The following DHRS7 variants were observed in gnomAD, a reference collection of about 807,000 sequenced individuals.
The protein encoded by DHRS7 is dehydrogenase/reductase SDR family member 7.
A neutral mutation model predicts 38.9 loss-of-function variants in DHRS7; 34 were observed. The ratio of observed to expected loss-of-function variants is 0.87; its 90% CI spans 0.66 to 1.16. DHRS7 has a LOEUF of 1.16. Ranked by LOEUF, DHRS7 falls within the 50% of genes most tolerant of loss-of-function variation. The pLI, the probability that DHRS7 is intolerant of heterozygous loss-of-function variation, is 0.00. For missense variants in DHRS7, 421 were observed against 407.0 expected (o/e 1.03, Z -0.30); for synonymous variants, 158 against 153.1 (o/e 1.03, Z -0.24).
Position 60,165,369 on chromosome 14 carries a change from T to C in DHRS7, c.-60A>G, listed in dbSNP as rs917100899. The C allele has an allele frequency of 6.5e-7, 1 of 1,528,676 alleles. No homozygotes were observed. Among genetic ancestry groups the C allele is most frequent in the Non-Finnish European group, 8.8e-7 (1 of 1,141,626 alleles). 94.7% of individuals were successfully genotyped at this position (1,528,676 alleles called of 1,614,324 possible). A position where few individuals can be genotyped will look rare whatever the true frequency, so the allele number is the denominator to read the frequency against. ...ACGGCCCGCACCAGAGTCGCGTCGC[T>C]GCCCTGCGGGATCGCAGCGCCACCC... On this transcript the variant is annotated 5_prime_UTR_variant, in exon 1 of 7. Coordinates refer to ENST00000557185, the MANE Select transcript of DHRS7 (RefSeq NM_016029.4). The surrounding 1 kb of genome is among the most constrained non-coding windows in gnomAD (Gnocchi z 4.6).
At chr14:60,168,884 T>C, upstream of DHRS7, 1 of 1,127,828 alleles carries the variant, frequency 8.9e-7, no homozygotes. Flanking sequence ...ATTAGAACAC[T>C]TAGGCATTGA....
In DHRS7 at chr14:60,161,364, C is replaced by G. The variant is rs1299516874; in HGVS notation, c.133+3813G>C. On this transcript the variant is annotated intron_variant, in intron 1 of 6. Transcript: ENST00000557185. The surrounding 1 kb of genome is among the most constrained non-coding windows in gnomAD (Gnocchi z 4.2). ...AAACATTTTGCATCCCTTTTGTGAC[C>G]TAGACAGACATTTAAATTGTGTTGC... Among the ~76,000 whole-genome samples, 3 of 152,252 alleles carry G rather than the reference C, an allele frequency of 2.0e-5. No individual in the cohort carries two copies. The East Asian group carries it at 5.8e-4, about 29-fold the overall frequency.
chr14:60,154,199 T>G, intron 2 of DHRS7, 134 bp from the exon 3 acceptor site: 1 of 661,436 alleles, frequency 1.5e-6, no homozygotes, highest in Admixed American at 2.6e-5. Context: ...AAAGTTCCTC[T>G]CGGTGGTCAG....
intron 2 of DHRS7, 66 bp from the exon 3 acceptor site, chr14:60,154,131 A>G: frequency 8.3e-7 from 1 of 1,205,860 alleles, no homozygotes; most frequent in South Asian, 1.3e-5. Context: ...TGCTACTCCC[A>G]CTAACACCCA....
rs1566535992 is a variant in DHRS7, at chr14:60,161,077, T to C, written c.133+4100A>G. On this transcript the variant is annotated intron_variant, in intron 1 of 6. Coordinates refer to ENST00000557185, the MANE Select transcript of DHRS7 (RefSeq NM_016029.4). This position sits in a 1 kb window ranked among gnomAD's most constrained non-coding sequence, Gnocchi z 4.2. ...ATAATCTTGCTCAGTTTTATCCTGC[T>C]TGTTCTCCCAGAATTTTTTGTAAAC... 6.6e-6 allele frequency among the ~76,000 whole-genome samples: 1 copy of C among 152,362 alleles called. No individual in the cohort carries two copies. Among genetic ancestry groups the C allele is most frequent in the South Asian group, 2.1e-4 (1 of 4,832 alleles).
At chr14:60,160,676 C>G (rs371870112) in intron 1 of DHRS7, among the ~76,000 whole-genome samples, 253 of 152,242 alleles carry the variant, frequency 1.7e-3, no homozygotes, top group Middle Eastern at 3.4e-3. Flanking sequence ...CTCCACGGCT[C>G]AGGCTCAAGC....
At position 60,156,134 on chromosome 14, in the gene DHRS7, A is replaced by C; in HGVS notation, c.152T>G (p.Met51Arg). ...GRRPEWELTD[M>R]VVWVTGASSG... ...CGAGGCTCCAGTCACCCACACCACC[A>C]TATCAGTCAGCTCCCATTCTATGGA... Residue 51 changes from methionine (M) to arginine (R), a missense_variant, in exon 2 of 7, where the codon ATG (methionine) becomes AGG (arginine). Transcript: ENST00000557185. The C allele has an allele frequency of 1.3e-6, 2 of 1,594,674 alleles. No homozygotes were observed. Among genetic ancestry groups the C allele is most frequent in the Non-Finnish European group, 8.5e-7 (1 of 1,170,562 alleles).
chr14:60,163,023 A>AT (rs968293042), intron 1 of DHRS7, among the ~76,000 whole-genome samples: 2 of 151,950 alleles, frequency 1.3e-5, no homozygotes, highest in Non-Finnish European at 2.9e-5. Context: ...TACAAAACTT[A>AT]CCCATGCGTG....
rs748533483 is a variant in DHRS7, at chr14:60,153,076, T to C, written c.496A>G (p.Thr166Ala). 28 of 1,614,080 alleles carry C rather than the reference T, an allele frequency of 1.7e-5. No individual in the cohort carries two copies. Among genetic ancestry groups the C allele is most frequent in the Admixed American group, 6.7e-5 (4 of 60,004 alleles). ...RKLIELNYLG[T>A]VSLTKCVLPH... The stretch of plus-strand genomic sequence containing the variant: ...AGAACACATTTTGTCAAGGACACCG[T>C]CCCTAAGTAGTTAAGCTCTATTAGC... Residue 166 changes from threonine (T) to alanine (A), a missense_variant, in exon 4 of 7, where the codon ACG becomes GCG. Thr to Ala is a moderately conservative substitution (Grantham distance 58). Transcript: ENST00000557185. The surrounding 1 kb of genome is among the most constrained non-coding windows in gnomAD (Gnocchi z 4.4).
chr14:60,165,305 T>C lies in DHRS7; in HGVS notation c.5A>G (p.Asn2Ser). ...CAGCAGCCACAGCAGCAGCTCCCAG[T>C]TCATTGCGGCCGCGCACGCCCAGCT... M[N>S]WELLLWLLVL... The change falls in exon 1 of 7, where the codon AAC (asparagine) becomes AGC (serine). Residue 2 changes from asparagine (N) to serine (S), a missense_variant. Asn to Ser is a conservative substitution (Grantham distance 46). Transcript: ENST00000557185. This position sits in a 1 kb window ranked among gnomAD's most constrained non-coding sequence, Gnocchi z 4.6. 1 of 1,585,942 alleles carries C rather than the reference T, an allele frequency of 6.3e-7. No individual in the cohort carries two copies. The highest frequency in any genetic ancestry group is 8.6e-7 in the Non-Finnish European group (1 of 1,169,380).
chr14:60,149,016 G>A (rs747274111), intron 6 of DHRS7: 7 of 245,062 alleles, frequency 2.9e-5, no homozygotes, highest in African/African-American at 4.6e-5. Context: ...TCTATCACCC[G>A]GGCTGGAGTG....
intron 6 of DHRS7, chr14:60,147,303 C>A (rs1341788820): frequency 1.3e-5 from 2 of 152,094 alleles, no homozygotes; most frequent in African/African-American, 4.8e-5. Flanking sequence ...TTTACAGATT[C>A]TAAGGATCTA....
chr14:60,147,357 T>C (rs2140586097), intron 6 of DHRS7: 1 of 152,332 alleles, frequency 6.6e-6, no homozygotes, highest in East Asian at 1.9e-4. Context: ...GTATAGCATA[T>C]TTGAAATTTG....
rs1307585246 is a variant in DHRS7 at position 60,146,338 on chromosome 14, A to G, written c.973-1325T>C. 6.6e-6 allele frequency: 1 copy of G among 152,164 alleles called. No individual in the cohort carries two copies. Among genetic ancestry groups the G allele is most frequent in the Non-Finnish European group, 1.5e-5 (1 of 68,012 alleles). The allele number at this position is 152,164 out of a possible 1,614,324, so 9.4% of individuals were successfully genotyped here. A position where few individuals can be genotyped will look rare whatever the true frequency, so the allele number is the denominator to read the frequency against. ...TATGGACATTTCTGGAAGTACTACT[A>G]CAGTGGGACTGAAATTCTCTAGTCC... On this transcript the variant is annotated intron_variant, in intron 6 of 6. Coordinates refer to ENST00000557185, the MANE Select transcript of DHRS7 (RefSeq NM_016029.4). This position sits in a 1 kb window ranked among gnomAD's most constrained non-coding sequence, Gnocchi z 4.9.
chr14:60,154,121 TG>T (rs535124208), intron 2 of DHRS7, 56 bp from the exon 3 acceptor site: 583 of 1,399,842 alleles, frequency 4.2e-4, no homozygotes, highest in Non-Finnish European at 5.5e-4. Flanking sequence ...TCAAGCTCCT[TG>T]CTACTCCCAC....
chr14:60,147,040 C>T (rs1896423651), intron 6 of DHRS7: 1 of 152,190 alleles, frequency 6.6e-6, no homozygotes, highest in African/African-American at 2.4e-5. Context: ...TGAGACTAGC[C>T]TGGGCAACGT....
rs1359962395 is a variant in DHRS7, at chr14:60,162,789, C to A, written c.133+2388G>T. Among the ~76,000 whole-genome samples, 1 of 152,116 alleles carries A rather than the reference C, an allele frequency of 6.6e-6. No individual in the cohort carries two copies. Among genetic ancestry groups the A allele is most frequent in the Admixed American group, 6.5e-5 (1 of 15,276 alleles). On this transcript the variant is annotated intron_variant, in intron 1 of 6. Coordinates refer to ENST00000557185, the MANE Select transcript of DHRS7 (RefSeq NM_016029.4). This position sits in a 1 kb window ranked among gnomAD's most constrained non-coding sequence, Gnocchi z 4.5. ...AGACTTTTTTTTCCCCTAAAACTCT[C>A]CTGTGAAATGTTAATTCCACAGATA...
At chr14:60,149,934 G>T (rs1029770605) in intron 5 of DHRS7, 131 bp downstream of exon 5, 19 of 869,618 alleles carry the variant, frequency 2.2e-5, no homozygotes, top group Non-Finnish European at 3.3e-5. Context: ...ATAATGGCAG[G>T]AGTTTTGTGA....
upstream of DHRS7, chr14:60,168,910 C>A: frequency 1.2e-6 from 1 of 864,218 alleles, no homozygotes; most frequent in Non-Finnish European, 1.6e-6. Context: ...GTTAGTCTAA[C>A]TAACCCATTG....
Sources: gnomAD v4.1 joint callset for allele counts (sites outside exome capture counted in the v4.1 genomes callset) on GRCh38, gnomAD v4.1.1 for gene constraint, Gnocchi (gnomAD v3.1) non-coding constraint, MANE v1.5 for transcripts, NCBI Gene and HGNC (gene_info 2026-07-23, HGNC 2026-07-21) for gene names.